The following RAPGEF5 variants were observed in gnomAD, a reference collection of about 807,000 sequenced individuals.
The protein encoded by RAPGEF5 is M-Ras-regulated GEF.
A neutral mutation model predicts 125.2 loss-of-function variants in RAPGEF5; 65 were observed. That is an observed-to-expected ratio of 0.52 (90% CI 0.43 to 0.64). RAPGEF5 has a LOEUF of 0.64. Ranked by LOEUF, RAPGEF5 falls within the 30% of genes least tolerant of loss-of-function variation. The pLI is 0.00. For synonymous variants in RAPGEF5, 391 were observed against 385.9 expected (o/e 1.01, Z -0.16); for missense variants, 958 against 1,048.1 (o/e 0.91, Z 1.19).
At chr7:22,351,661 A>C (rs1784332795) in intron 1 of RAPGEF5, among the ~76,000 whole-genome samples, 1 of 152,234 alleles carries the variant, frequency 6.6e-6, no homozygotes, top group African/African-American at 2.4e-5. Flanking sequence ...TGCATGGTAC[A>C]TAATTAAGTG....
At chr7:22,136,896 T>C in intron 22 of RAPGEF5, 37 bp downstream of exon 22, 1 of 1,502,758 alleles carries the variant, frequency 6.7e-7, no homozygotes. Context: ...CTAGCAATTA[T>C]TTTGAAGAAT....
chr7:22,334,335 G>GA (rs1783986253), intron 1 of RAPGEF5, among the ~76,000 whole-genome samples: 1 of 151,820 alleles, frequency 6.6e-6, no homozygotes, highest in Non-Finnish European at 1.5e-5. Flanking sequence ...CAAAGTGGCA[G>GA]AAAAAAAATG....
chr7:22,223,195 A>G (rs905585538), intron 8 of RAPGEF5, among the ~76,000 whole-genome samples: 1 of 152,146 alleles, frequency 6.6e-6, no homozygotes, highest in African/African-American at 2.4e-5. Context: ...GGAGTAATCA[A>G]TCAGAAAAGG....
intron 9 of RAPGEF5, among the ~76,000 whole-genome samples, chr7:22,211,711 G>A (rs1313011213): frequency 4.0e-5 from 6 of 151,326 alleles, no homozygotes; most frequent in Non-Finnish European, 8.8e-5. Flanking sequence ...TTGCAACGGA[G>A]GAATGTTAAA....
At chr7:22,157,946 G>C in intron 14 of RAPGEF5, 61 bp from the exon 15 acceptor site, 3 of 1,491,706 alleles carry the variant, frequency 2.0e-6, no homozygotes, top group Non-Finnish European at 2.8e-6. Context: ...TGCAGTTATT[G>C]TTACGGAAGA....
At chr7:22,208,023 G>A (rs751751264) in intron 9 of RAPGEF5, among the ~76,000 whole-genome samples, 1 of 152,122 alleles carries the variant, frequency 6.6e-6, no homozygotes, top group Non-Finnish European at 1.5e-5. Context: ...CCTCTCTTCT[G>A]TGTGTTTTTG....
chr7:22,127,568 T>TTCTA (rs1327796788), intron 24 of RAPGEF5, among the ~76,000 whole-genome samples: 1 of 152,252 alleles, frequency 6.6e-6, no homozygotes, highest in Non-Finnish European at 1.5e-5. Flanking sequence ...TAAATACTAT[T>TTCTA]GTCTTCATGT....
intron 6 of RAPGEF5, among the ~76,000 whole-genome samples, chr7:22,277,439 G>A (rs945347472): frequency 2.0e-5 from 3 of 152,060 alleles, no homozygotes; most frequent in Admixed American, 6.6e-5. Context: ...CTTAATATCC[G>A]CTTATTATTT....
At chr7:22,288,411 A>G (rs1057361682) in intron 6 of RAPGEF5, among the ~76,000 whole-genome samples, 1 of 152,058 alleles carries the variant, frequency 6.6e-6, no homozygotes, top group African/African-American at 2.4e-5. Context: ...AATTTACTCA[A>G]CTTCCTAAGA....
At chr7:22,147,686 G>A (rs1454305770) in intron 18 of RAPGEF5, among the ~76,000 whole-genome samples, 1 of 152,182 alleles carries the variant, frequency 6.6e-6, no homozygotes, top group Non-Finnish European at 1.5e-5. Flanking sequence ...AGTATTAGAT[G>A]CCATCACAAC....
At chr7:22,254,600 C>T (rs186151562) in intron 7 of RAPGEF5, among the ~76,000 whole-genome samples, 25 of 129,684 alleles carry the variant, frequency 1.9e-4, no homozygotes, top group African/African-American at 7.6e-4. Context: ...AAGAGCAAAA[C>T]TCCGTCTCAA....
At chr7:22,324,559 G>C (rs1183657211) in intron 1 of RAPGEF5, among the ~76,000 whole-genome samples, 1 of 152,180 alleles carries the variant, frequency 6.6e-6, no homozygotes, top group Admixed American at 6.5e-5. Flanking sequence ...CTTTGTACTA[G>C]TTTTGCAACT....
At chr7:22,252,572 A>C (rs148713015) in intron 7 of RAPGEF5, among the ~76,000 whole-genome samples, 1 of 152,348 alleles carries the variant, frequency 6.6e-6, no homozygotes, top group African/African-American at 2.4e-5. Flanking sequence ...TCTTAATTCT[A>C]AACAATTCTC....
chr7:22,267,060 A>C (rs1249999647), intron 6 of RAPGEF5, 48 bp from the exon 7 acceptor site: 1 of 1,524,410 alleles, frequency 6.6e-7, no homozygotes, highest in South Asian at 1.2e-5. Context: ...AGAAAAATGT[A>C]GCCATCAAAA....
chr7:22,221,811 T>C (rs1002352319), intron 8 of RAPGEF5, among the ~76,000 whole-genome samples: 8 of 152,218 alleles, frequency 5.3e-5, no homozygotes, highest in Non-Finnish European at 8.8e-5. Flanking sequence ...GGTATGTCTT[T>C]ATTAGCAGCA....
intron 23 of RAPGEF5, among the ~76,000 whole-genome samples, chr7:22,132,397 TAAACTGATGTCCTAGTAGGA>T (rs1782941864): frequency 6.6e-6 from 1 of 151,002 alleles, no homozygotes; most frequent in African/African-American, 2.4e-5. Context: ...TTTTTGCTTG[TAAACTGATGTCCTAGTAGGA>T]AAACGATTCA....
Position 22,307,720 on chromosome 7 carries a change from T to G in RAPGEF5, c.680+619A>C, listed in dbSNP as rs144287536. 1.5e-3 allele frequency among the ~76,000 whole-genome samples: 231 copies of G among 152,294 alleles called. 1 individual carries two copies. Among genetic ancestry groups the G allele is most frequent in the African/African-American group, 4.8e-3 (201 of 41,582 alleles). The stretch of plus-strand genomic sequence containing the variant: ...CAATATGGGAAAGCATTCTGGACAC[T>G]GAAGTGTTCTGCATATGTAACAGTT... On this transcript the variant is annotated intron_variant, in intron 5 of 25. Transcript: ENST00000665637.
chr7:22,193,289 G>A, intron 11 of RAPGEF5, 78 bp downstream of exon 11: 2 of 1,463,810 alleles, frequency 1.4e-6, no homozygotes, highest in Non-Finnish European at 1.8e-6. Context: ...AGCTAACAGT[G>A]GGAACCTTGC....
intron 1 of RAPGEF5, among the ~76,000 whole-genome samples, chr7:22,334,465 A>C (rs1036870493): frequency 1.3e-5 from 2 of 152,218 alleles, no homozygotes; most frequent in East Asian, 1.9e-4. Context: ...GAGAACCATG[A>C]AGAACTGAAA....
Sources: allele counts gnomAD v4.1 joint callset (sites outside exome capture counted in the v4.1 genomes callset), GRCh38; gene constraint gnomAD v4.1.1; transcripts MANE v1.5; gene names NCBI Gene and HGNC (gene_info 2026-07-23, HGNC 2026-07-21).